Variants in PPP1R1C observed in about 807,000 individuals in gnomAD.
PPP1R1C encodes the protein protein phosphatase 1 regulatory subunit 1C.
PPP1R1C carries 15 observed loss-of-function variants against 17.4 expected under a neutral mutation model. The ratio of observed to expected loss-of-function variants is 0.86; its 90% confidence interval spans 0.58 to 1.33. PPP1R1C has a LOEUF of 1.33. PPP1R1C is among the 40% of genes most tolerant of loss of function. The probability of loss-of-function intolerance (pLI) is 0.00; values close to 1 mark genes in which losing one functional copy is unlikely to be tolerated. For missense variants in PPP1R1C, 143 were observed against 130.0 expected (o/e 1.10, Z -0.48); for synonymous variants, 35 against 43.1 (o/e 0.81, Z 0.73).
At chr2:182,040,565 G>A (rs1230023849) in intron 2 of PPP1R1C, among the ~76,000 whole-genome samples, 4 of 151,904 alleles carry the variant, frequency 2.6e-5, no homozygotes, top group Non-Finnish European at 5.9e-5. Flanking sequence ...GTCCTTTGTT[G>A]GATGCATAGT....
intron 2 of PPP1R1C, among the ~76,000 whole-genome samples, chr2:182,001,035 C>A (rs1685751069): frequency 6.6e-6 from 1 of 152,044 alleles, no homozygotes; most frequent in Non-Finnish European, 1.5e-5. Flanking sequence ...TCTTGTCCTC[C>A]CAGTTCACAG....
At chr2:182,026,334 T>C (rs1039177436) in intron 2 of PPP1R1C, among the ~76,000 whole-genome samples, 2,531 of 142,842 alleles carry the variant, frequency 0.018, 65 homozygotes, top group African/African-American at 0.063. Context: ...CGGGTTTTTA[T>C]GGTTTTAGGT....
At chr2:182,119,066 C>A (rs1178577975), downstream of PPP1R1C, among the ~76,000 whole-genome samples, 1 of 152,046 alleles carries the variant, frequency 6.6e-6, no homozygotes, top group Non-Finnish European at 1.5e-5. Flanking sequence ...CCACCCACCC[C>A]ACAGCAGGCC....
At chr2:181,998,865 G>T (rs765205426) in intron 2 of PPP1R1C, among the ~76,000 whole-genome samples, 22 of 152,120 alleles carry the variant, frequency 1.4e-4, no homozygotes, top group South Asian at 1.0e-3. Flanking sequence ...ATGGTTAAAA[G>T]GTTTTCAAGA....
chr2:182,122,919 A>G (rs1411126525), intron 5 of PPP1R1C, among the ~76,000 whole-genome samples: 1 of 152,114 alleles, frequency 6.6e-6, no homozygotes, highest in East Asian at 1.9e-4. Context: ...GGTTTGTTAC[A>G]TAGGTATACA....
intron 1 of PPP1R1C, among the ~76,000 whole-genome samples, chr2:181,964,154 T>C (rs578222994): frequency 1.3e-5 from 2 of 152,318 alleles, no homozygotes; most frequent in East Asian, 3.9e-4. Flanking sequence ...CTGCTCTCTG[T>C]TGCCATGAGT....
At chr2:182,025,478 G>A (rs1180627863) in intron 2 of PPP1R1C, among the ~76,000 whole-genome samples, 3 of 128,772 alleles carry the variant, frequency 2.3e-5, no homozygotes, top group African/African-American at 3.0e-5. Context: ...TTGTTCTTGC[G>A]ATAGTTTACT....
chr2:181,969,341 G>A (rs749988577), intron 1 of PPP1R1C, among the ~76,000 whole-genome samples: 1 of 152,074 alleles, frequency 6.6e-6, no homozygotes, highest in South Asian at 2.1e-4. Flanking sequence ...TCTCCTTCAT[G>A]TTTGAAGGAT....
At chr2:181,997,283 A>G (rs959744654) in intron 2 of PPP1R1C, among the ~76,000 whole-genome samples, 4 of 152,164 alleles carry the variant, frequency 2.6e-5, no homozygotes, top group Non-Finnish European at 2.9e-5. Flanking sequence ...ACATGCATGA[A>G]CACACGTACA....
intron 2 of PPP1R1C, among the ~76,000 whole-genome samples, chr2:181,991,555 C>G (rs1394888028): frequency 6.6e-6 from 1 of 152,094 alleles, no homozygotes; most frequent in Non-Finnish European, 1.5e-5. Flanking sequence ...AAAGCAGAAA[C>G]AATGTATTTG....
intron 4 of PPP1R1C, among the ~76,000 whole-genome samples, chr2:182,091,389 G>A (rs16822545): frequency 2.0e-5 from 3 of 151,986 alleles, no homozygotes; most frequent in African/African-American, 7.3e-5. Flanking sequence ...AGAGATTGGG[G>A]TGTAAATCAC....
At chr2:182,047,999 A>T (rs1381256701) in intron 2 of PPP1R1C, among the ~76,000 whole-genome samples, 1 of 152,102 alleles carries the variant, frequency 6.6e-6, no homozygotes, top group Non-Finnish European at 1.5e-5. Flanking sequence ...TCTTATTGGC[A>T]TCCCCTAAAA....
At position 182,027,744 on chromosome 2, in the gene PPP1R1C, G is replaced by T. The variant is rs1317528077; in HGVS notation, c.143-33698G>T. On this transcript the variant is annotated intron_variant, in intron 2 of 4. Transcript: ENST00000682840. ...GCCTCATAAAATGAGTTAGGGAGGA[G>T]TCCCTCTTTTTCTATTCATTGGAAT... 5.0e-3 allele frequency among the ~76,000 whole-genome samples: 746 copies of T among 148,670 alleles called. 2 individuals carry two copies. The highest frequency in any genetic ancestry group is 0.018 in the African/African-American group (686 of 38,160).
chr2:182,102,564 T>G (rs1241184290), intron 4 of PPP1R1C, among the ~76,000 whole-genome samples: 1 of 152,180 alleles, frequency 6.6e-6, no homozygotes, highest in Non-Finnish European at 1.5e-5. Flanking sequence ...GGAAAAAAAT[T>G]GAAATGATTA....
intron 2 of PPP1R1C, among the ~76,000 whole-genome samples, chr2:182,019,390 T>G (rs1250327920): frequency 2.0e-5 from 3 of 152,188 alleles, no homozygotes; most frequent in Non-Finnish European, 2.9e-5. Context: ...TTTTTACAGC[T>G]CTACTGGGCA....
At chr2:182,088,218 T>C (rs1192622228) in intron 4 of PPP1R1C, among the ~76,000 whole-genome samples, 1 of 150,964 alleles carries the variant, frequency 6.6e-6, no homozygotes, top group African/African-American at 2.4e-5. Flanking sequence ...TTGCCTTGAA[T>C]GTTTCCCTCT....
At chr2:182,118,673 T>C (rs1284089061), downstream of PPP1R1C, among the ~76,000 whole-genome samples, 1 of 152,038 alleles carries the variant, frequency 6.6e-6, no homozygotes, top group Non-Finnish European at 1.5e-5. Flanking sequence ...ATGCAGTGAG[T>C]TGACAACCAT....
chr2:182,020,265 T>C (rs1686379317), intron 2 of PPP1R1C, among the ~76,000 whole-genome samples: 1 of 152,236 alleles, frequency 6.6e-6, no homozygotes, highest in Admixed American at 6.5e-5. Context: ...TATGTTTTAA[T>C]TCCCACATTA....
intron 1 of PPP1R1C, among the ~76,000 whole-genome samples, chr2:181,958,128 G>A (rs1008511583): frequency 6.6e-6 from 1 of 152,140 alleles, no homozygotes; most frequent in Non-Finnish European, 1.5e-5. Flanking sequence ...CTAAGGAAGC[G>A]CTCCCAAGAA....
Sources: allele counts gnomAD v4.1 joint callset (sites outside exome capture counted in the v4.1 genomes callset), GRCh38; gene constraint gnomAD v4.1.1; transcripts MANE v1.5; gene names NCBI Gene and HGNC (gene_info 2026-07-23, HGNC 2026-07-21).